Variants in COG6 observed in about 807,000 individuals in gnomAD.
COG6 encodes conserved oligomeric Golgi complex subunit 6.
A neutral mutation model predicts 88.8 loss-of-function variants in COG6; 74 were observed. The ratio of observed to expected loss-of-function variants is 0.83; its 90% CI spans 0.69 to 1.01. COG6 has a LOEUF of 1.01. Among genes scored for constraint, COG6 ranks in the 50% least tolerant of loss-of-function variants. COG6 has a pLI of 0.00. For synonymous variants in COG6, 286 were observed against 278.7 expected, an observed-to-expected ratio of 1.03 and a Z score of -0.26; for missense variants, 800 against 797.9, an observed-to-expected ratio of 1.00 and a Z score of -0.03.
intron 18 of COG6, among the ~76,000 whole-genome samples, chr13:39,746,319 C>T (rs1293504040): frequency 6.6e-6 from 1 of 151,678 alleles, no homozygotes; most frequent in Non-Finnish European, 1.5e-5. Context: ...CAGAAACAGT[C>T]CTGAAAGTAC....
chr13:39,660,724 G>T (rs920160783), intron 2 of COG6, 86 bp from the exon 3 acceptor site: 1 of 893,430 alleles, frequency 1.1e-6, no homozygotes, highest in Non-Finnish European at 1.8e-6. Context: ...AAAAAATTAT[G>T]TAACTAAAAT....
At chr13:39,753,964 ATAAGCTTT>A (rs1214951462), downstream of COG6, among the ~76,000 whole-genome samples, 10 of 152,146 alleles carry the variant, frequency 6.6e-5, no homozygotes, top group African/African-American at 2.4e-4. Flanking sequence ...AACTAACCTG[ATAAGCTTT>A]TCATCAGTGC....
At chr13:39,735,612 G>A (rs1879696591) in intron 18 of COG6, among the ~76,000 whole-genome samples, 1 of 151,510 alleles carries the variant, frequency 6.6e-6, no homozygotes, top group Non-Finnish European at 1.5e-5. Flanking sequence ...AGTTCCTTCA[G>A]ATGATTTCTT....
At chr13:39,719,619 T>A in intron 14 of COG6, 41 bp from the exon 15 acceptor site, 1 of 1,561,124 alleles carries the variant, frequency 6.4e-7, no homozygotes. Flanking sequence ...ACCCTATCAG[T>A]GATTGAGAAA....
chr13:39,668,879 A>G (rs1181343948), intron 4 of COG6, among the ~76,000 whole-genome samples: 2 of 152,256 alleles, frequency 1.3e-5, no homozygotes, highest in East Asian at 1.9e-4. Context: ...TTACAGAACT[A>G]TAGTATGGTA....
chr13:39,780,412 C>G (rs1881594858), intron 18 of COG6, among the ~76,000 whole-genome samples: 1 of 152,194 alleles, frequency 6.6e-6, no homozygotes, highest in African/African-American at 2.4e-5. Flanking sequence ...TGACCCTTCC[C>G]TGAAAGAAAT....
At chr13:39,698,192 GAATGTA>G (rs1396608212) in intron 12 of COG6, among the ~76,000 whole-genome samples, 5 of 151,022 alleles carry the variant, frequency 3.3e-5, no homozygotes, top group Admixed American at 3.3e-4. Flanking sequence ...AAAAAAAAAT[GAATGTA>G]AATGTATGTT....
chr13:39,699,972 A>G (rs979732665), intron 13 of COG6, among the ~76,000 whole-genome samples: 4 of 151,828 alleles, frequency 2.6e-5, no homozygotes, highest in East Asian at 1.9e-4. Flanking sequence ...TATTTTTTCC[A>G]AACAGCTTAT....
In COG6 at chr13:39,751,462, T is replaced by G. The variant is rs2138149218; in HGVS notation, c.*369T>G. On this transcript the variant is annotated 3_prime_UTR_variant, in exon 19 of 19. Transcript: ENST00000455146. Reference sequence around the variant, plus strand: ...TAAAAAATTTGTCTAAATTTAATAATTAGTATAAGGATATGACCTAATAAA... The same window carrying G: ...TAAAAAATTTGTCTAAATTTAATAAGTAGTATAAGGATATGACCTAATAAA... 1 of 1,254,828 alleles carries G rather than the reference T, an allele frequency of 8.0e-7. No individual in the cohort carries two copies. The highest frequency in any genetic ancestry group is 2.3e-5 in the Admixed American group (1 of 42,640). The allele number at this position is 1,254,828 out of a possible 1,614,324, so 77.7% of individuals were successfully genotyped here.
intron 13 of COG6, among the ~76,000 whole-genome samples, chr13:39,707,364 T>C (rs1877998495): frequency 6.6e-6 from 1 of 151,770 alleles, no homozygotes; most frequent in Non-Finnish European, 1.5e-5. Flanking sequence ...CTTGACCTCA[T>C]GATCCGCCCG....
At chr13:39,768,055 G>C (rs946298298) in intron 18 of COG6, among the ~76,000 whole-genome samples, 2 of 152,108 alleles carry the variant, frequency 1.3e-5, no homozygotes, top group African/African-American at 4.8e-5. Flanking sequence ...GCACTGCCAG[G>C]CACTCTCAGA....
chr13:39,658,063 CTT>C (rs57263267), intron 1 of COG6, among the ~76,000 whole-genome samples: 59,395 of 139,218 alleles, frequency 0.43, 12,479 homozygotes, highest in Admixed American at 0.58. Context: ...ATTCTTGTCA[CTT>C]TTTTTTTTTT....
intron 18 of COG6, among the ~76,000 whole-genome samples, chr13:39,786,748 A>G (rs1257614929): frequency 1.3e-5 from 2 of 152,118 alleles, no homozygotes; most frequent in Non-Finnish European, 2.9e-5. Flanking sequence ...GGACACTTGG[A>G]TTTGACCCAC....
At chr13:39,705,563 C>T (rs1877845823) in intron 13 of COG6, among the ~76,000 whole-genome samples, 2 of 151,980 alleles carry the variant, frequency 1.3e-5, no homozygotes, top group South Asian at 4.1e-4. Context: ...AGTAATAGTG[C>T]AGTTCTAATT....
Position 39,752,221 on chromosome 13 carries a change from A to G in COG6, c.*1128A>G, listed in dbSNP as rs745664360. The G allele has an allele frequency of 1.5e-5, 16 of 1,069,514 alleles. No homozygotes were observed. The highest frequency in any genetic ancestry group is 1.9e-5 in the Non-Finnish European group (16 of 832,582). The allele number at this position is 1,069,514 out of a possible 1,614,324, so 66.3% of individuals were successfully genotyped here. A position where few individuals can be genotyped will look rare whatever the true frequency, so the allele number is the denominator to read the frequency against. ...AAATTACAAATGAGAAAATTGAAGCACAAGGAAAAAAATAACTAGTTTGAA... is the reference window on the plus strand; with the variant it reads ...AAATTACAAATGAGAAAATTGAAGCGCAAGGAAAAAAATAACTAGTTTGAA... On this transcript the variant is annotated 3_prime_UTR_variant, in exon 19 of 19. Transcript: ENST00000455146.
intron 13 of COG6, among the ~76,000 whole-genome samples, chr13:39,718,014 C>T (rs912759886): frequency 6.6e-6 from 1 of 151,970 alleles, no homozygotes; most frequent in Non-Finnish European, 1.5e-5. Context: ...TACTTTAGTT[C>T]TTCAGACATG....
downstream of COG6, among the ~76,000 whole-genome samples, chr13:39,755,435 G>T (rs1880801603): frequency 6.6e-6 from 1 of 152,120 alleles, no homozygotes; most frequent in Non-Finnish European, 1.5e-5. Context: ...CCCTCTACTG[G>T]GGTGGGGGTG....
chr13:39,788,245 T>C, intron 18 of COG6: 2 of 1,280,782 alleles, frequency 1.6e-6, no homozygotes, highest in Non-Finnish European at 2.2e-6. Flanking sequence ...ATTTCAGCCC[T>C]CCCTGTGAAT....
intron 18 of COG6, among the ~76,000 whole-genome samples, chr13:39,749,161 A>C (rs1466516782): frequency 6.6e-6 from 1 of 152,194 alleles, no homozygotes; most frequent in Non-Finnish European, 1.5e-5. Flanking sequence ...GTTTTCCTGA[A>C]ATAGCCACTG....
Sources: allele counts gnomAD v4.1 joint callset (sites outside exome capture counted in the v4.1 genomes callset), GRCh38; gene constraint gnomAD v4.1.1; transcripts MANE v1.5; gene names NCBI Gene and HGNC (gene_info 2026-07-23, HGNC 2026-07-21).